The following CCDC7 variants were observed in gnomAD, a reference collection of about 807,000 sequenced individuals.
CCDC7 encodes the protein coiled-coil domain-containing protein 7.
A neutral mutation model predicts 196.9 loss-of-function variants in CCDC7; 183 were observed. That is an observed-to-expected ratio of 0.93 (90% CI 0.82 to 1.05). The LOEUF (loss-of-function observed/expected upper bound fraction) is 1.05, where lower values mean the gene tolerates loss of function less well. Among genes scored for constraint, CCDC7 ranks in the 50% least tolerant of loss-of-function variants. The pLI is 0.00. For missense variants in CCDC7, 1,540 were observed against 1,482.2 expected (o/e 1.04, Z -0.64); for synonymous variants, 525 against 484.6 (o/e 1.08, Z -1.10).
intron 23 of CCDC7, among the ~76,000 whole-genome samples, chr10:32,691,838 G>A (rs951043282): frequency 6.6e-6 from 1 of 152,178 alleles, no homozygotes; most frequent in Non-Finnish European, 1.5e-5. Flanking sequence ...CCAGTAGCAG[G>A]GAACATGTCA....
chr10:32,803,193 G>A (rs533688748), intron 29 of CCDC7, among the ~76,000 whole-genome samples: 2 of 152,328 alleles, frequency 1.3e-5, no homozygotes, highest in East Asian at 1.9e-4. Context: ...GCCAAAAGGC[G>A]AAGTGATGAG....
rs537620571 is a variant in CCDC7, at chr10:32,854,302, A to G, written c.4022-98A>G. The G allele has an allele frequency of 2.0e-4, 137 of 701,900 alleles. 1 individual carries two copies. The East Asian group carries it at 3.9e-3, about 20-fold the overall frequency. 43.5% of individuals were successfully genotyped at this position (701,900 alleles called of 1,614,324 possible). On this transcript the variant is annotated intron_variant, in intron 40 of 41. Coordinates refer to ENST00000639629, the Ensembl canonical transcript of CCDC7. ...AATTACTGAAAAAAAGTTGTAAGGA[A>G]ACTGTGTTTTAGAATACTAAGATTT...
chr10:32,518,419 T>C (rs1408689599), exon 11 of CCDC7: 1 of 1,598,252 alleles, frequency 6.3e-7, no homozygotes. Flanking sequence ...TTTTTAGGAA[T>C]ACAAACAGAT....
chr10:32,648,619 C>G (rs1446189932), intron 20 of CCDC7, among the ~76,000 whole-genome samples: 1 of 152,166 alleles, frequency 6.6e-6, no homozygotes, highest in Non-Finnish European at 1.5e-5. Flanking sequence ...AACTAATTTA[C>G]ACTCCCACCA....
chr10:32,856,093 C>T (rs2093742448), intron 41 of CCDC7, among the ~76,000 whole-genome samples: 1 of 152,116 alleles, frequency 6.6e-6, no homozygotes. Flanking sequence ...AGACCGAAAA[C>T]CTAAAACTAA....
chr10:32,715,166 C>T (rs557106318), intron 25 of CCDC7, among the ~76,000 whole-genome samples: 104 of 152,208 alleles, frequency 6.8e-4, no homozygotes, highest in African/African-American at 2.4e-3. Flanking sequence ...GGCATCTGGC[C>T]GGTGCCCCTC....
chr10:32,673,918 C>T (rs759154178), intron 21 of CCDC7, among the ~76,000 whole-genome samples: 1 of 151,806 alleles, frequency 6.6e-6, no homozygotes, highest in Non-Finnish European at 1.5e-5. Flanking sequence ...TCATAATAGT[C>T]ATTTGTGATC....
At chr10:32,579,556 G>C (rs1324964502) in intron 16 of CCDC7, among the ~76,000 whole-genome samples, 2 of 152,160 alleles carry the variant, frequency 1.3e-5, no homozygotes, top group African/African-American at 4.8e-5. Context: ...GGTTCCCCAA[G>C]ACTACTGCCC....
chr10:32,635,911 T>G (rs2065555729), intron 20 of CCDC7, among the ~76,000 whole-genome samples: 1 of 152,208 alleles, frequency 6.6e-6, no homozygotes, highest in Admixed American at 6.5e-5. Flanking sequence ...ATACCATTTC[T>G]TTGTCCTTCC....
intron 36 of CCDC7, among the ~76,000 whole-genome samples, 173 bp downstream of exon 37, chr10:32,846,132 A>C (rs1371579058): frequency 6.6e-6 from 1 of 152,070 alleles, no homozygotes; most frequent in African/African-American, 2.4e-5. Flanking sequence ...TTAAAGAGTC[A>C]CCAGGGTAAG....
intron 33 of CCDC7, among the ~76,000 whole-genome samples, chr10:32,836,653 AT>A (rs2092626132): frequency 6.6e-6 from 1 of 152,030 alleles, no homozygotes; most frequent in Non-Finnish European, 1.5e-5. Context: ...GCATTTTTTC[AT>A]GTGTCTTTTG....
chr10:32,463,069 ATTG>A lies in CCDC7; in HGVS notation c.510+23_510+25del. ...GAAGAAGTAAGTCTAACGTTTTAAA[ATTG>A]TTAAGTTAATATTTTTTAACTCATT... On this transcript the variant is annotated intron_variant, in intron 5 of 41. Transcript: ENST00000639629. 1 of 1,612,570 alleles carries A rather than the reference ATTG, an allele frequency of 6.2e-7. No individual in the cohort carries two copies. The highest frequency in any genetic ancestry group is 8.5e-7 in the Non-Finnish European group (1 of 1,179,486).
intron 31 of CCDC7, among the ~76,000 whole-genome samples, chr10:32,821,634 A>G (rs2090217447): frequency 6.6e-6 from 1 of 152,222 alleles, no homozygotes; most frequent in East Asian, 1.9e-4. Context: ...TGCAACCATA[A>G]AAAAGGATGA....
chr10:32,493,318 G>A lies in CCDC7; in HGVS notation c.872+1321G>A, dbSNP rs540351122. The stretch of plus-strand genomic sequence containing the variant: ...AATGCCCTTCAGTTTCATCCATGTT[G>A]TTGCAGATGACAGGATTTCCTTCTT... On this transcript the variant is annotated intron_variant, in intron 9 of 41. Transcript: ENST00000639629. Among the ~76,000 whole-genome samples the A allele has an allele frequency of 1.3e-3, 200 of 151,440 alleles. 1 individual carries two copies. The highest frequency in any genetic ancestry group is 4.6e-3 in the African/African-American group (189 of 41,400).
chr10:32,813,982 A>G (rs773045390), intron 30 of CCDC7, among the ~76,000 whole-genome samples: 3 of 152,012 alleles, frequency 2.0e-5, no homozygotes, highest in Non-Finnish European at 4.4e-5. Context: ...TTTTTGCGAC[A>G]GAGTCTCGCT....
rs777472299 is a variant in CCDC7, at chr10:32,474,062, CCT to C, written c.796+42_796+43del. On this transcript the variant is annotated intron_variant, in intron 8 of 41. Transcript: ENST00000639629. ...CATTAAAGCATTATTGTGATAATAACCTCTGTTACATTAATTTCTATAAAGTA... is the reference window on the plus strand; with the variant it reads ...CATTAAAGCATTATTGTGATAATAACCTGTTACATTAATTTCTATAAAGTA... The C allele has an allele frequency of 2.2e-5, 35 of 1,585,628 alleles. No homozygotes were observed. In the African/African-American group the frequency reaches 4.6e-4, roughly 21 times the overall value.
intron 13 of CCDC7, among the ~76,000 whole-genome samples, chr10:32,546,029 A>G (rs2052404276): frequency 6.6e-6 from 1 of 151,760 alleles, no homozygotes; most frequent in Admixed American, 6.6e-5. Flanking sequence ...AGAAGGAGAG[A>G]CCAAAGACTG....
intron 18 of CCDC7, among the ~76,000 whole-genome samples, chr10:32,588,509 T>G (rs747509896): frequency 1.3e-5 from 2 of 152,212 alleles, no homozygotes; most frequent in Non-Finnish European, 2.9e-5. Flanking sequence ...CTGGGATAAA[T>G]CCTACTTGGT....
At chr10:32,856,540 C>T (rs1480043824) in intron 41 of CCDC7, among the ~76,000 whole-genome samples, 1 of 152,104 alleles carries the variant, frequency 6.6e-6, no homozygotes, top group Non-Finnish European at 1.5e-5. Context: ...AGGAGTGAAG[C>T]CAACATTGCA....
Sources: gnomAD v4.1 joint callset for allele counts (sites outside exome capture counted in the v4.1 genomes callset) on GRCh38, gnomAD v4.1.1 for gene constraint, MANE v1.5 for transcripts, NCBI Gene and HGNC (gene_info 2026-07-23, HGNC 2026-07-21) for gene names.